Variants in NRG1 observed in about 807,000 individuals in gnomAD.
NRG1 encodes the protein neuregulin 1.
Under a neutral mutation model 63.8 loss-of-function variants are expected in NRG1, and 18 were observed. The observed-to-expected ratio is 0.28, with a 90% confidence interval of 0.19 to 0.42. The LOEUF is 0.42. Among genes scored for constraint, NRG1 ranks in the 10% least tolerant of loss-of-function variants. NRG1 has a pLI of 1.00. For missense variants in NRG1, 762 were observed against 814.7 expected (o/e 0.94, Z 0.79); for synonymous variants, 302 against 301.3 (o/e 1.00, Z -0.02).
intron 8 of NRG1, among the ~76,000 whole-genome samples, chr8:32,755,449 C>A (rs1392298270): frequency 6.6e-6 from 1 of 152,040 alleles, no homozygotes; most frequent in African/African-American, 2.4e-5. Context: ...GTCAATATCC[C>A]ATGATTTAGT....
intron 1 of NRG1, among the ~76,000 whole-genome samples, chr8:32,408,121 T>G (rs1373334389): frequency 1.3e-5 from 2 of 152,186 alleles, no homozygotes; most frequent in East Asian, 3.9e-4. Context: ...TCTGAGACAA[T>G]AAGTTACTGC....
chr8:32,196,244 A>G (rs1398836273), intron 1 of NRG1, among the ~76,000 whole-genome samples: 1 of 151,892 alleles, frequency 6.6e-6, no homozygotes, highest in Non-Finnish European at 1.5e-5. Context: ...TGTGCTCTAG[A>G]CAGTCATGAT....
intron 1 of NRG1, among the ~76,000 whole-genome samples, chr8:32,561,925 T>C (rs1454909352): frequency 6.6e-6 from 1 of 152,122 alleles, no homozygotes; most frequent in African/African-American, 2.4e-5. Flanking sequence ...GATTATTTAG[T>C]CCTTTATTTG....
chr8:31,791,543 T>A (rs1820712027), intron 1 of NRG1, among the ~76,000 whole-genome samples: 1 of 152,224 alleles, frequency 6.6e-6, no homozygotes, highest in Admixed American at 6.5e-5. Context: ...TATTACCTAA[T>A]GCTATCTAAT....
At chr8:31,716,998 G>C (rs1812412442) in intron 1 of NRG1, among the ~76,000 whole-genome samples, 2 of 152,152 alleles carry the variant, frequency 1.3e-5, no homozygotes, top group African/African-American at 4.8e-5. Context: ...TGGCTGAAGT[G>C]GTAATAAAAG....
intron 1 of NRG1, among the ~76,000 whole-genome samples, chr8:31,830,828 C>T (rs1825078821): frequency 6.6e-6 from 1 of 152,090 alleles, no homozygotes. Context: ...GGTCATATGC[C>T]TATCACTGAA....
At chr8:32,754,576 T>TAAAAAA in intron 8 of NRG1, 102 bp downstream of exon 8, 1 of 858,108 alleles carries the variant, frequency 1.2e-6, no homozygotes, top group African/African-American at 1.8e-5. Flanking sequence ...GTCTTGGGGA[T>TAAAAAA]AAAAAAAAAA....
chr8:31,782,420 A>G (rs1304507817), intron 1 of NRG1, among the ~76,000 whole-genome samples: 1 of 152,108 alleles, frequency 6.6e-6, no homozygotes, highest in Non-Finnish European at 1.5e-5. Flanking sequence ...TGATAACACT[A>G]ATGACCGTCT....
At chr8:31,964,523 G>A (rs1805999768) in intron 1 of NRG1, among the ~76,000 whole-genome samples, 1 of 152,076 alleles carries the variant, frequency 6.6e-6, no homozygotes, top group African/African-American at 2.4e-5. Context: ...AAACTACCTG[G>A]GCATGATGGT....
intron 5 of NRG1, among the ~76,000 whole-genome samples, chr8:32,693,985 T>C (rs1812574878): frequency 6.6e-6 from 1 of 152,192 alleles, no homozygotes; most frequent in African/African-American, 2.4e-5. Context: ...CTCATGCTTG[T>C]CTGCCTTCCC....
In NRG1 at chr8:31,750,090, G is replaced by C. The variant is rs111962938; in HGVS notation, c.37+110659G>C. Among the ~76,000 whole-genome samples the C allele has an allele frequency of 1.2e-4, 19 of 152,002 alleles. 1 individual carries two copies. Among genetic ancestry groups the C allele is most frequent in the African/African-American group, 4.6e-4 (19 of 41,504 alleles). On this transcript the variant is annotated intron_variant, in intron 1 of 10. Transcript: ENST00000519301. ...AGGTCAACCTACAGCCACAGTAGAA[G>C]AGGAAACCAGTTACTGTGATTCCAA...
intron 1 of NRG1, among the ~76,000 whole-genome samples, chr8:31,841,531 G>A (rs887746835): frequency 2.0e-5 from 3 of 152,148 alleles, no homozygotes; most frequent in African/African-American, 7.2e-5. Flanking sequence ...GCTATTTAAA[G>A]TGTGCAATCC....
chr8:32,598,985 A>C (rs1843841010), intron 2 of NRG1, among the ~76,000 whole-genome samples: 1 of 152,102 alleles, frequency 6.6e-6, no homozygotes, highest in Non-Finnish European at 1.5e-5. Flanking sequence ...TTCTTCCTGT[A>C]GATCATAGTG....
chr8:31,774,652 C>G (rs961493625), intron 1 of NRG1, among the ~76,000 whole-genome samples: 1 of 152,172 alleles, frequency 6.6e-6, no homozygotes, highest in African/African-American at 2.4e-5. Context: ...TGTCTCCTCA[C>G]TCTATTGATT....
At chr8:32,732,799 C>CTTTTTTTTTTTTTT (rs1173388613) in intron 6 of NRG1, among the ~76,000 whole-genome samples, 8 of 83,348 alleles carry the variant, frequency 9.6e-5, no homozygotes, top group African/African-American at 1.8e-4. Flanking sequence ...TGTTTAATTT[C>CTTTTTTTTTTTTTT]TTTTTTTTTT....
chr8:32,144,431 A>G (rs1836645900), intron 1 of NRG1, among the ~76,000 whole-genome samples: 2 of 152,006 alleles, frequency 1.3e-5, no homozygotes, highest in African/African-American at 2.4e-5. Context: ...CTGCATGCCT[A>G]GTTGTAGCAC....
chr8:31,757,777 T>C (rs1328355577), intron 1 of NRG1, among the ~76,000 whole-genome samples: 1 of 152,132 alleles, frequency 6.6e-6, no homozygotes, highest in African/African-American at 2.4e-5. Context: ...TTATATATAA[T>C]AAAATATGAG....
intron 1 of NRG1, among the ~76,000 whole-genome samples, chr8:31,791,075 G>A (rs1315517145): frequency 1.3e-5 from 2 of 151,934 alleles, no homozygotes; most frequent in African/African-American, 2.4e-5. Flanking sequence ...CAGGCATGGT[G>A]GCATGTGCCT....
chr8:31,889,301 G>C (rs1245144132), intron 1 of NRG1, among the ~76,000 whole-genome samples: 2 of 152,064 alleles, frequency 1.3e-5, no homozygotes, highest in Non-Finnish European at 2.9e-5. Context: ...TATTTCGTAG[G>C]TATATCCTTT....
Sources: allele counts gnomAD v4.1 joint callset (sites outside exome capture counted in the v4.1 genomes callset), GRCh38; gene constraint gnomAD v4.1.1; transcripts MANE v1.5; gene names NCBI Gene and HGNC (gene_info 2026-07-23, HGNC 2026-07-21).